CCSAP: variants seen among roughly 807,000 people sequenced by gnomAD.
CCSAP encodes centriole, cilia and spindle associated protein.
In CCSAP, 17 loss-of-function variants were observed where a neutral mutation model predicts 25.9. That is an observed-to-expected ratio of 0.66 (90% CI 0.45 to 0.99). CCSAP has a LOEUF of 0.99. CCSAP is among the 50% of genes least tolerant of loss of function. The probability of loss-of-function intolerance (pLI) is 0.00; values close to 1 mark genes in which losing one functional copy is unlikely to be tolerated. For missense variants in CCSAP, 339 were observed against 367.8 expected, an observed-to-expected ratio of 0.92 and a Z score of 0.64; for synonymous variants, 169 against 157.1, an observed-to-expected ratio of 1.08 and a Z score of -0.57.
intron 2 of CCSAP, among the ~76,000 whole-genome samples, chr1:229,338,538 AACACACACACACACAC>A (rs55718200): frequency 8.5e-5 from 12 of 141,820 alleles, no homozygotes; most frequent in South Asian, 2.3e-4. Context: ...CCCAAACCCC[AACACACACACACACAC>A]ACACACACAC....
rs1031532330 is a variant in CCSAP, at chr1:229,323,771, G to T, written c.*1464C>A. 6.6e-6 allele frequency: 1 copy of T among 152,188 alleles called. No homozygotes were observed. 9.4% of individuals were successfully genotyped at this position (152,188 alleles called of 1,614,324 possible). On this transcript the variant is annotated 3_prime_UTR_variant, in exon 4 of 4. Transcript: ENST00000284617. ...CTTAAACAGTTATCATGTGTGAAGA[G>T]TTTATGGGGAATGAAAGCAATATGT...
Position 229,342,165 on chromosome 1 carries a change from G to A in CCSAP, c.301C>T (p.Pro101Ser), listed in dbSNP as rs1202184751. 3 of 1,300,904 alleles carry A rather than the reference G, an allele frequency of 2.3e-6. No homozygotes were observed. The highest frequency in any genetic ancestry group is 2.9e-6 in the Non-Finnish European group (3 of 1,025,074). 80.6% of individuals were successfully genotyped at this position (1,300,904 alleles called of 1,614,324 possible). A position where few individuals can be genotyped will look rare whatever the true frequency, so the allele number is the denominator to read the frequency against. ...CCGGCCTCCGCGTCCTGCTCCTCCG[G>A]GGCCCCGCGCGCCCGCCGTTCCGCC... is the stretch of plus-strand genomic sequence containing the variant. Reference protein sequence around the residue: ...EEAERRARGAPEEQDAEAGDA... With the variant: ...EEAERRARGASEEQDAEAGDA... The change falls in exon 2 of 4, where the codon CCG (proline) becomes TCG (serine). Residue 101 changes from proline to serine, a missense_variant. Pro to Ser is a moderately conservative substitution (Grantham distance 74). Coordinates refer to ENST00000284617, the MANE Select transcript of CCSAP (RefSeq NM_145257.5). This position sits in a 1 kb window ranked among gnomAD's most constrained non-coding sequence, Gnocchi z 7.5.
intron 3 of CCSAP, 97 bp downstream of exon 3, chr1:229,326,641 C>A (rs1657946675): frequency 1.4e-6 from 2 of 1,443,692 alleles, no homozygotes; most frequent in Admixed American, 3.8e-5. Context: ...GGGCCCAAAG[C>A]ACCCAGTGGC....
At chr1:229,336,407 C>T (rs963962172) in intron 2 of CCSAP, among the ~76,000 whole-genome samples, 1 of 151,924 alleles carries the variant, frequency 6.6e-6, no homozygotes, top group African/African-American at 2.4e-5. Context: ...AGGTGAAAGG[C>T]CTCATGGTAA....
Position 229,324,243 on chromosome 1 carries a change from T to C in CCSAP, c.*992A>G, listed in dbSNP as rs141084578. On this transcript the variant is annotated 3_prime_UTR_variant, in exon 4 of 4. Coordinates refer to ENST00000284617, the MANE Select transcript of CCSAP (RefSeq NM_145257.5). ...AGAGAAAGTAGGGGTGGGCAGTCTA[T>C]CTAACAGGCATCTTCACACTGGTCC... 6.6e-6 allele frequency: 1 copy of C among 152,578 alleles called. No individual in the cohort carries two copies. Among genetic ancestry groups the C allele is most frequent in the Admixed American group, 6.5e-5 (1 of 15,288 alleles). The allele number at this position is 152,578 out of a possible 1,614,324, so 9.5% of individuals were successfully genotyped here.
At chr1:229,337,678 A>AAAAAAAAAAAAAAATATATATATATAT in intron 2 of CCSAP, among the ~76,000 whole-genome samples, 2 of 65,506 alleles carry the variant, frequency 3.1e-5, no homozygotes, top group African/African-American at 1.2e-4. Context: ...CTCAAAAAAA[A>AAAAAAAAAAAAAAATATATATATATAT]ATATATATAT....
intron 2 of CCSAP, among the ~76,000 whole-genome samples, chr1:229,332,032 G>A (rs1445191313): frequency 2.6e-5 from 4 of 151,930 alleles, no homozygotes; most frequent in African/African-American, 4.8e-5. Flanking sequence ...TAGTAGAGAC[G>A]GGGTTTCATC....
intron 2 of CCSAP, among the ~76,000 whole-genome samples, chr1:229,341,121 G>A (rs1455181010): frequency 2.0e-5 from 3 of 149,660 alleles, no homozygotes; most frequent in Non-Finnish European, 3.0e-5. Flanking sequence ...GTGAATCCGG[G>A]AGGCAGAGGT....
rs903444280 is a variant in CCSAP at position 229,333,945 on chromosome 1, T to C, written c.368-6939A>G. Among the ~76,000 whole-genome samples the C allele has an allele frequency of 1.6e-4, 25 of 152,214 alleles. 1 individual carries two copies. The highest frequency in any genetic ancestry group is 4.1e-4 in the African/African-American group (17 of 41,456). ...GGTTAAAATTGTAACGTGTATTTTA[T>C]GTATTTCAGCACCATTTTCCAAAAT... On this transcript the variant is annotated intron_variant, in intron 2 of 3. Coordinates refer to ENST00000284617, the MANE Select transcript of CCSAP (RefSeq NM_145257.5).
intron 2 of CCSAP, among the ~76,000 whole-genome samples, chr1:229,333,311 T>C (rs1227153267): frequency 2.0e-5 from 3 of 151,432 alleles, no homozygotes; most frequent in Non-Finnish European, 4.4e-5. Context: ...CAGGTGCCTG[T>C]AGTCCCAGCT....
At chr1:229,330,565 G>A (rs1165689063) in intron 2 of CCSAP, among the ~76,000 whole-genome samples, 1 of 152,202 alleles carries the variant, frequency 6.6e-6, no homozygotes, top group Non-Finnish European at 1.5e-5. Context: ...AGTGCAGGCC[G>A]GGCGCGGTGG....
chr1:229,326,885 G>A lies in CCSAP; in HGVS notation c.489C>T (p.Asn163=), dbSNP rs1657953082. Reference sequence around the variant, plus strand: ...TTTGGGGACTTTTGACCGCTTTCCTGTTTCCTCTAGCAAATAAGGCACTTG... The same window carrying A: ...TTTGGGGACTTTTGACCGCTTTCCTATTTCCTCTAGCAAATAAGGCACTTG... ...QQPSALFARG[N]RKAVKSPQRS... is the part of the protein sequence containing the mutation. Residue 163 remains asparagine, a synonymous_variant, in exon 3 of 4, where the codon AAC becomes AAT. Transcript: ENST00000284617. 6.2e-7 allele frequency: 1 copy of A among 1,614,142 alleles called. No homozygotes were observed. Among genetic ancestry groups the A allele is most frequent in the South Asian group, 1.1e-5 (1 of 91,084 alleles).
rs1031919542 is a variant in CCSAP at position 229,323,420 on chromosome 1, A to G, written c.*1815T>C. Reference sequence around the variant, plus strand: ...TTTCCTAGATTGTCAGCTGCAACACAAGCCTGAGCTGGATGACTAACACCG... The same window carrying G: ...TTTCCTAGATTGTCAGCTGCAACACGAGCCTGAGCTGGATGACTAACACCG... On this transcript the variant is annotated 3_prime_UTR_variant, in exon 4 of 4. Transcript: ENST00000284617. 2.6e-5 allele frequency: 4 copies of G among 152,206 alleles called. No homozygotes were observed. The highest frequency in any genetic ancestry group is 5.9e-5 in the Non-Finnish European group (4 of 68,058). The allele number at this position is 152,206 out of a possible 1,614,324, so 9.4% of individuals were successfully genotyped here. A position where few individuals can be genotyped will look rare whatever the true frequency, so the allele number is the denominator to read the frequency against.
chr1:229,337,678 A>AAATATATATAT, intron 2 of CCSAP, among the ~76,000 whole-genome samples: 1 of 65,548 alleles, frequency 1.5e-5, no homozygotes, highest in Non-Finnish European at 3.1e-5. Context: ...CTCAAAAAAA[A>AAATATATATAT]ATATATATAT....
At chr1:229,332,476 T>A (rs237780) in intron 2 of CCSAP, among the ~76,000 whole-genome samples, 31,736 of 152,156 alleles carry the variant, frequency 0.21, 3,462 homozygotes, top group African/African-American at 0.27. Flanking sequence ...AGGAAAGAGT[T>A]TGAGAGTTTT....
chr1:229,338,933 A>C (rs1658266821), intron 2 of CCSAP, among the ~76,000 whole-genome samples: 1 of 152,062 alleles, frequency 6.6e-6, no homozygotes, highest in Non-Finnish European at 1.5e-5. Flanking sequence ...GGATCCCTCA[A>C]ATGGAAAATG....
intron 2 of CCSAP, among the ~76,000 whole-genome samples, chr1:229,328,692 T>C (rs1446404871): frequency 6.6e-6 from 1 of 152,208 alleles, no homozygotes; most frequent in East Asian, 1.9e-4. Flanking sequence ...TTACTTTCAG[T>C]TGTGACTCTT....
chr1:229,321,552 T>C lies in CCSAP; in HGVS notation c.*3683A>G, dbSNP rs992248787. ...TATCATTTTACTGATCACAAAATTA[T>C]ATAATAAGGATCTTATATGGGTTAG... On this transcript the variant is annotated 3_prime_UTR_variant, in exon 4 of 4. Transcript: ENST00000284617. The C allele has an allele frequency of 6.6e-6, 1 of 152,242 alleles. No individual in the cohort carries two copies. Among genetic ancestry groups the C allele is most frequent in the Non-Finnish European group, 1.5e-5 (1 of 68,040 alleles). The allele number at this position is 152,242 out of a possible 1,614,324, so 9.4% of individuals were successfully genotyped here.
At position 229,342,788 on chromosome 1, in the gene CCSAP, G is replaced by A. The variant is rs1022298574; in HGVS notation, c.-49+124C>T. 2 of 208,650 alleles carry A rather than the reference G, an allele frequency of 9.6e-6. No individual in the cohort carries two copies. The highest frequency in any genetic ancestry group is 1.9e-5 in the Non-Finnish European group (2 of 105,428). 12.9% of individuals were successfully genotyped at this position (208,650 alleles called of 1,614,324 possible). A position where few individuals can be genotyped will look rare whatever the true frequency, so the allele number is the denominator to read the frequency against. The stretch of plus-strand genomic sequence containing the variant: ...TGCGGGCTGGGGCGAGGGGACCGCA[G>A]GAGACTGGGGCTGAGCGGGAGGAGG... On this transcript the variant is annotated intron_variant, in intron 1 of 3. Transcript: ENST00000284617. The surrounding 1 kb of genome is among the most constrained non-coding windows in gnomAD (Gnocchi z 7.5).
Sources: gnomAD v4.1 joint callset for allele counts (sites outside exome capture counted in the v4.1 genomes callset) on GRCh38, gnomAD v4.1.1 for gene constraint, Gnocchi (gnomAD v3.1) non-coding constraint, MANE v1.5 for transcripts, NCBI Gene and HGNC (gene_info 2026-07-23, HGNC 2026-07-21) for gene names.